MLIP: variants seen among roughly 807,000 people sequenced by gnomAD.
MLIP encodes the protein muscular LMNA-interacting protein.
MLIP carries 79 observed loss-of-function variants against 84.8 expected under a neutral mutation model. The ratio of observed to expected loss-of-function variants is 0.93; its 90% CI spans 0.78 to 1.12. The LOEUF (loss-of-function observed/expected upper bound fraction) is 1.12. MLIP is among the 50% of genes most tolerant of loss of function. MLIP has a pLI of 0.00. For synonymous variants in MLIP, 504 were observed against 463.0 expected, an observed-to-expected ratio of 1.09 and a Z score of -1.14; for missense variants, 1,257 against 1,160.6, an observed-to-expected ratio of 1.08 and a Z score of -1.21.
At chr6:54,037,561 T>C (rs1764516012) in intron 1 of MLIP, among the ~76,000 whole-genome samples, 1 of 151,956 alleles carries the variant, frequency 6.6e-6, no homozygotes, top group Non-Finnish European at 1.5e-5. Flanking sequence ...TTCTCCATCA[T>C]GGTTTTCAGT....
chr6:54,249,746 T>TATATATATACAC (rs71724053), intron 12 of MLIP, among the ~76,000 whole-genome samples: 10 of 150,436 alleles, frequency 6.6e-5, no homozygotes, highest in African/African-American at 2.5e-4. Flanking sequence ...TATATATATA[T>TATATATATACAC]ACACACACAC....
intron 13 of MLIP, among the ~76,000 whole-genome samples, chr6:54,264,524 A>T (rs1009231625): frequency 3.3e-5 from 5 of 152,108 alleles, no homozygotes; most frequent in African/African-American, 1.2e-4. Flanking sequence ...GAATCAAATG[A>T]TCGTGAAGGT....
intron 12 of MLIP, among the ~76,000 whole-genome samples, chr6:54,234,026 C>A (rs981149883): frequency 6.6e-6 from 1 of 152,040 alleles, no homozygotes; most frequent in Non-Finnish European, 1.5e-5. Context: ...TATCCTTTGC[C>A]CACTTTTTGA....
At chr6:54,260,277 TC>T (rs1429689624) in intron 13 of MLIP, among the ~76,000 whole-genome samples, 4 of 134,988 alleles carry the variant, frequency 3.0e-5, no homozygotes, top group African/African-American at 1.5e-4. Flanking sequence ...AGGAACTAAC[TC>T]AAAAAAAAAA....
Position 54,169,510 on chromosome 6 carries a change from GT to G in MLIP, c.2500-13del, listed in dbSNP as rs1562009405. ...ACTTTATTATTTCAGATGTATAATT[GT>G]TTTTATTTTCATACAGACTCCTACA... On this transcript the variant is annotated splice_polypyrimidine_tract_variant and intron_variant, in intron 8 of 13. Transcript: ENST00000502396. 2 of 1,557,402 alleles carry G rather than the reference GT, an allele frequency of 1.3e-6. No homozygotes were observed. The highest frequency in any genetic ancestry group is 1.7e-6 in the Non-Finnish European group (2 of 1,151,876).
In MLIP at chr6:54,136,869, G is replaced by A; in HGVS notation, c.800G>A (p.Gly267Asp). The change falls in exon 4 of 14, where the codon GGT becomes GAT. Residue 267 changes from glycine (G) to aspartate (D), a missense_variant. Physicochemically the swap from Gly to Asp is moderately conservative, Grantham distance 94. Transcript: ENST00000502396. The part of the protein sequence containing the change: ...EEFHTRRLDV[G>D]GAVVEESATY... ...TTCCACACTAGGAGGCTGGATGTCG[G>A]TGGGGCCGTGGTGGAAGAATCAGCT... is the stretch of plus-strand genomic sequence containing the variant. The A allele has an allele frequency of 6.5e-7, 1 of 1,535,238 alleles. No individual in the cohort carries two copies. The highest frequency in any genetic ancestry group is 2.4e-5 in the East Asian group (1 of 40,894).
intron 13 of MLIP, among the ~76,000 whole-genome samples, chr6:54,261,272 T>G (rs1423302505): frequency 6.6e-6 from 1 of 152,082 alleles, no homozygotes; most frequent in African/African-American, 2.4e-5. Context: ...AAAGTCATAC[T>G]GCAGAATGAG....
At chr6:54,176,098 A>T (rs1413451604) in intron 9 of MLIP, among the ~76,000 whole-genome samples, 1 of 152,048 alleles carries the variant, frequency 6.6e-6, no homozygotes, top group Non-Finnish European at 1.5e-5. Flanking sequence ...ATGATGAAGG[A>T]TCTTTTTAAT....
intron 1 of MLIP, among the ~76,000 whole-genome samples, chr6:54,105,581 T>A (rs1561934053): frequency 6.6e-6 from 1 of 152,096 alleles, no homozygotes; most frequent in Non-Finnish European, 1.5e-5. Context: ...TAAAATCCAA[T>A]GAAGGAAATC....
At chr6:54,224,422 G>GA (rs113378665) in intron 11 of MLIP, among the ~76,000 whole-genome samples, 4,730 of 143,542 alleles carry the variant, frequency 0.033, 253 homozygotes, top group African/African-American at 0.11. Context: ...AAGAAAAACT[G>GA]AAAAAAAAAA....
chr6:54,190,216 T>A (rs530332485), intron 10 of MLIP, among the ~76,000 whole-genome samples: 6 of 152,246 alleles, frequency 3.9e-5, no homozygotes, highest in Admixed American at 3.9e-4. Context: ...GCACACTCTT[T>A]AAAGGAAGAG....
At chr6:54,162,592 A>G (rs1363613458) in intron 8 of MLIP, among the ~76,000 whole-genome samples, 4 of 151,968 alleles carry the variant, frequency 2.6e-5, no homozygotes, top group Admixed American at 2.6e-4. Context: ...GGGTGGGTTC[A>G]GAAGAGCTAG....
At chr6:54,166,932 G>A (rs116580343) in intron 8 of MLIP, among the ~76,000 whole-genome samples, 1,857 of 151,750 alleles carry the variant, frequency 0.012, 42 homozygotes, top group African/African-American at 0.041. Flanking sequence ...GTAGAATTTC[G>A]CTCTTTCATT....
intron 9 of MLIP, among the ~76,000 whole-genome samples, chr6:54,186,903 G>A (rs1777449653): frequency 6.6e-6 from 1 of 152,076 alleles, no homozygotes; most frequent in Admixed American, 6.6e-5. Context: ...TAGGTGCCAG[G>A]ACCCGAGAGC....
chr6:54,249,710 A>AACACAC (rs147266668), intron 12 of MLIP, among the ~76,000 whole-genome samples: 1,837 of 147,080 alleles, frequency 0.012, 35 homozygotes, highest in African/African-American at 0.04. Flanking sequence ...GGAAATGAGG[A>AACACAC]ACACACACAC....
chr6:54,027,711 A>G (rs1264728057), intron 1 of MLIP, among the ~76,000 whole-genome samples: 2 of 152,188 alleles, frequency 1.3e-5, no homozygotes, highest in Non-Finnish European at 2.9e-5. Flanking sequence ...AGTGAAACTG[A>G]TAAGGATCCA....
At chr6:54,216,987 G>A (rs1779899590) in intron 11 of MLIP, 2 of 985,210 alleles carry the variant, frequency 2.0e-6, no homozygotes, top group East Asian at 1.1e-4. Flanking sequence ...TAAAACTGTA[G>A]CAAAAATGCT....
chr6:54,233,659 A>T (rs1401158803), intron 12 of MLIP, among the ~76,000 whole-genome samples: 1 of 152,198 alleles, frequency 6.6e-6, no homozygotes, highest in Non-Finnish European at 1.5e-5. Flanking sequence ...GTGTCTTTAT[A>T]GTAGAATGAT....
At chr6:54,151,825 A>AT (rs1412872858) in intron 5 of MLIP, among the ~76,000 whole-genome samples, 4 of 152,086 alleles carry the variant, frequency 2.6e-5, no homozygotes, top group Non-Finnish European at 4.4e-5. Context: ...TAAAAGCAAG[A>AT]TTTTTTCCTA....
Sources: gnomAD v4.1 joint callset for allele counts (sites outside exome capture counted in the v4.1 genomes callset) on GRCh38, gnomAD v4.1.1 for gene constraint, MANE v1.5 for transcripts, NCBI Gene and HGNC (gene_info 2026-07-23, HGNC 2026-07-21) for gene names.